Variants in GPC3 observed in about 807,000 individuals in gnomAD.
GPC3 encodes the protein glypican-3.
GPC3 carries 3 observed loss-of-function variants against 34.4 expected under a neutral mutation model. That is an observed-to-expected ratio of 0.09 (90% CI 0.04 to 0.23). GPC3 has a LOEUF of 0.23. GPC3 is among the 10% of genes least tolerant of loss of function. The probability of loss-of-function intolerance (pLI) is 1.00; values close to 1 mark genes in which losing one functional copy is unlikely to be tolerated. For missense variants in GPC3, 351 were observed against 445.6 expected, an observed-to-expected ratio of 0.79 and a Z score of 1.91; for synonymous variants, 177 against 174.0, an observed-to-expected ratio of 1.02 and a Z score of -0.13.
chrX:133,881,874 G>T (rs1335067717), intron 2 of GPC3, among the ~76,000 whole-genome samples: 1 of 112,573 alleles, frequency 8.9e-6, no homozygotes, highest in Non-Finnish European at 1.9e-5. Flanking sequence ...GCTAGCTGAG[G>T]CTTCTAAAGA....
intron 2 of GPC3, among the ~76,000 whole-genome samples, chrX:133,896,157 T>C (rs138858590): frequency 0.031 from 3,447 of 109,875 alleles, 131 homozygotes; most frequent in African/African-American, 0.11. Context: ...AGATCAGGAG[T>C]TCGAGACCAG....
At chrX:133,981,078 A>C (rs986992414) in intron 1 of GPC3, among the ~76,000 whole-genome samples, 1 of 112,723 alleles carries the variant, frequency 8.9e-6, no homozygotes, top group Non-Finnish European at 1.9e-5. Context: ...AATTTGCTCC[A>C]AGAATTAAGA....
At chrX:133,652,681 A>AT (rs2070615747) in intron 6 of GPC3, among the ~76,000 whole-genome samples, 1 of 111,343 alleles carries the variant, frequency 9.0e-6, no homozygotes, top group Admixed American at 9.6e-5. Context: ...ATTTGGAAAC[A>AT]TTTTTTGCTA....
At chrX:133,696,275 G>A (rs775677266) in intron 4 of GPC3, among the ~76,000 whole-genome samples, 1 of 112,094 alleles carries the variant, frequency 8.9e-6, no homozygotes, top group South Asian at 3.7e-4. Context: ...CTGTTGGAGA[G>A]TTAATGAGTT....
intron 7 of GPC3, among the ~76,000 whole-genome samples, chrX:133,540,512 A>G (rs1444459729): frequency 9.0e-6 from 1 of 111,523 alleles, no homozygotes; most frequent in Non-Finnish European, 1.9e-5. Flanking sequence ...TGAGGACACA[A>G]AGGCATAAGA....
At chrX:133,929,367 A>G (rs895725068) in intron 2 of GPC3, among the ~76,000 whole-genome samples, 1 of 111,361 alleles carries the variant, frequency 9.0e-6, no homozygotes, top group African/African-American at 3.3e-5. Flanking sequence ...TACTGTATGC[A>G]TTTCTCCATC....
intron 2 of GPC3, among the ~76,000 whole-genome samples, chrX:133,895,701 A>G (rs758557417): frequency 4.5e-5 from 5 of 111,724 alleles, no homozygotes; most frequent in African/African-American, 1.6e-4. Flanking sequence ...AGCGAATCAC[A>G]TAAGAGCTTC....
chrX:133,871,440 C>T (rs1386434536), intron 2 of GPC3, among the ~76,000 whole-genome samples: 1 of 111,920 alleles, frequency 8.9e-6, no homozygotes, highest in Non-Finnish European at 1.9e-5. Context: ...TCATGCCTTA[C>T]CTTCTATGTG....
intron 6 of GPC3, among the ~76,000 whole-genome samples, chrX:133,649,192 C>T (rs1944184440): frequency 9.0e-6 from 1 of 110,801 alleles, no homozygotes; most frequent in African/African-American, 3.3e-5. Flanking sequence ...TATCAACAGA[C>T]CCCATCAAAT....
chrX:133,786,343 C>T (rs1425913380), intron 2 of GPC3, among the ~76,000 whole-genome samples: 2 of 111,909 alleles, frequency 1.8e-5, no homozygotes, highest in Non-Finnish European at 3.8e-5. Context: ...TGCAGTGAGC[C>T]GAGATAGCAC....
intron 2 of GPC3, among the ~76,000 whole-genome samples, chrX:133,858,417 T>C: frequency 8.9e-6 from 1 of 112,134 alleles, no homozygotes; most frequent in East Asian, 2.8e-4. Context: ...CCTGGCTGGA[T>C]TTCAGCTCCC....
rs763779764 is a variant in GPC3 at position 133,753,899 on chromosome X, C to A, written c.615G>T (p.Leu205=). The A allele has an allele frequency of 8.3e-7, 1 of 1,211,753 alleles. No homozygotes were observed. The highest frequency in any genetic ancestry group is 2.2e-5 in the Admixed American group (1 of 46,038). The change falls in exon 3 of 8, where the codon CTG becomes CTT. Residue 205 remains leucine (L), a synonymous_variant. Coordinates refer to ENST00000370818, the MANE Select transcript of GPC3 (RefSeq NM_004484.4). ...GCTTGGGGAAATTCCCAAATACTTT[C>A]AGGTCACGTCTTGCTCCTCGGAGGC... ...NECLRGARRD[L]KVFGNFPKLI...
intron 2 of GPC3, among the ~76,000 whole-genome samples, chrX:133,808,927 C>T (rs1021003825): frequency 5.4e-5 from 6 of 112,055 alleles, no homozygotes; most frequent in African/African-American, 1.9e-4. Flanking sequence ...GGACAAGACA[C>T]ATATATAGAC....
At chrX:133,586,135 T>A (rs1045746261) in intron 7 of GPC3, among the ~76,000 whole-genome samples, 1 of 111,791 alleles carries the variant, frequency 8.9e-6, no homozygotes, top group African/African-American at 3.3e-5. Context: ...CCCTAAGGTA[T>A]CCTGAGTTAT....
At chrX:133,655,500 A>ACC (rs2070651017) in intron 6 of GPC3, among the ~76,000 whole-genome samples, 1 of 107,372 alleles carries the variant, frequency 9.3e-6, no homozygotes, top group African/African-American at 3.5e-5. Flanking sequence ...ACACACACAC[A>ACC]CACACCCACA....
rs899391494 is a variant in GPC3, at chrX:133,891,204, T to G, written c.337+61846A>C. Among the ~76,000 whole-genome samples the G allele has an allele frequency of 5.4e-5, 6 of 111,493 alleles. No homozygotes were observed. In the East Asian group the frequency reaches 1.7e-3, roughly 31 times the overall value. ...ACAAAAGGCCCCCATATTGTATGAT[T>G]CCATTTAGATGAGATGTCTAGAATA... On this transcript the variant is annotated intron_variant, in intron 2 of 7. Transcript: ENST00000370818.
chrX:133,614,634 A>G (rs1188154153), intron 6 of GPC3, among the ~76,000 whole-genome samples: 1 of 111,954 alleles, frequency 8.9e-6, no homozygotes, highest in Non-Finnish European at 1.9e-5. Context: ...ATGTAAAAGG[A>G]CACTAGACAG....
chrX:133,732,658 C>T (rs2036659726), intron 3 of GPC3, among the ~76,000 whole-genome samples: 1 of 111,300 alleles, frequency 9.0e-6, no homozygotes, highest in African/African-American at 3.3e-5. Context: ...CATCCTACCA[C>T]CTCCTAATTT....
chrX:133,610,322 T>C (rs1486893926), intron 6 of GPC3, among the ~76,000 whole-genome samples: 1 of 110,954 alleles, frequency 9.0e-6, no homozygotes, highest in Admixed American at 9.6e-5. Flanking sequence ...AATTGTTTGG[T>C]GATGATGGTG....
Sources: gnomAD v4.1 joint callset for allele counts (sites outside exome capture counted in the v4.1 genomes callset) on GRCh38, gnomAD v4.1.1 for gene constraint, MANE v1.5 for transcripts, NCBI Gene and HGNC (gene_info 2026-07-23, HGNC 2026-07-21) for gene names.